Variants in ZDHHC11B observed in about 807,000 individuals in gnomAD.
ZDHHC11B encodes the protein probable palmitoyltransferase ZDHHC11B.
A neutral mutation model predicts 42.3 loss-of-function variants in ZDHHC11B; 17 were observed. That is an observed-to-expected ratio of 0.40 (90% CI 0.27 to 0.60). ZDHHC11B has a LOEUF of 0.60. Ranked by LOEUF, ZDHHC11B falls within the 20% of genes least tolerant of loss-of-function variation. The pLI is 0.41. For synonymous variants in ZDHHC11B, 123 were observed against 193.5 expected (o/e 0.64, Z 3.02); for missense variants, 262 against 463.2 (o/e 0.57, Z 3.99).
At chr5:754,304 G>A (rs113087117) in intron 6 of ZDHHC11B, among the ~76,000 whole-genome samples, 1,689 of 92,340 alleles carry the variant, frequency 0.018, 192 homozygotes, top group East Asian at 0.074. Flanking sequence ...AACACCTCTC[G>A]CCTATGAGCC....
At chr5:774,167 G>A (rs1272908023) in intron 1 of ZDHHC11B, among the ~76,000 whole-genome samples, 3 of 152,054 alleles carry the variant, frequency 2.0e-5, no homozygotes, top group Non-Finnish European at 2.9e-5. Context: ...GAGGCCCCAC[G>A]GAAAATCACC....
chr5:764,191 C>T (rs541423692), intron 4 of ZDHHC11B, among the ~76,000 whole-genome samples: 1 of 152,076 alleles, frequency 6.6e-6, no homozygotes, highest in Non-Finnish European at 1.5e-5. Flanking sequence ...AGCCCAAGGA[C>T]CACGCAGTGG....
At chr5:759,595 G>A (rs1241168131) in intron 4 of ZDHHC11B, among the ~76,000 whole-genome samples, 14 of 151,968 alleles carry the variant, frequency 9.2e-5, no homozygotes, top group African/African-American at 2.9e-4. Context: ...TGGTGGCGGC[G>A]GAGCCTGTTT....
chr5:714,151 GGA>G (rs1459109706), intron 13 of ZDHHC11B, among the ~76,000 whole-genome samples: 2 of 131,662 alleles, frequency 1.5e-5, no homozygotes, highest in Non-Finnish European at 3.2e-5. Flanking sequence ...GCTCAGTTTC[GGA>G]GCATTGTCCG....
chr5:718,954 C>G (rs541077632), intron 12 of ZDHHC11B, among the ~76,000 whole-genome samples: 1 of 151,852 alleles, frequency 6.6e-6, no homozygotes, highest in Non-Finnish European at 1.5e-5. Context: ...TGGTTTTGAT[C>G]CACTTGGCAG....
chr5:776,279 C>T (rs1256704256), intron 1 of ZDHHC11B, among the ~76,000 whole-genome samples: 31 of 151,846 alleles, frequency 2.0e-4, no homozygotes, highest in Non-Finnish European at 3.8e-4. Context: ...CTCCAATGTC[C>T]CACGGCCACA....
At chr5:765,140 G>A (rs1432321376) in intron 4 of ZDHHC11B, among the ~76,000 whole-genome samples, 36 of 143,150 alleles carry the variant, frequency 2.5e-4, no homozygotes, top group Admixed American at 2.1e-4. Flanking sequence ...TGTCTAGCTC[G>A]AAGTTTGTAA....
At chr5:784,596 T>G (rs1737118565) in intron 1 of ZDHHC11B, among the ~76,000 whole-genome samples, 72 bp downstream of exon 1, 2 of 152,062 alleles carry the variant, frequency 1.3e-5, no homozygotes, top group Admixed American at 1.3e-4. Context: ...CTGCTGGGGC[T>G]GACGGGCCCA....
chr5:770,206 G>T (rs1395488060), intron 1 of ZDHHC11B, among the ~76,000 whole-genome samples: 1 of 150,550 alleles, frequency 6.6e-6, no homozygotes, highest in Non-Finnish European at 1.5e-5. Flanking sequence ...ATACCAATGA[G>T]CACCAGGACG....
chr5:716,762 G>T (rs1741780249), intron 13 of ZDHHC11B, 39 bp downstream of exon 13: 8 of 1,611,590 alleles, frequency 5.0e-6, no homozygotes, highest in Non-Finnish European at 5.9e-6. Flanking sequence ...ACCAAACTTG[G>T]GTAGATTTCA....
chr5:728,717 C>T (rs1244400827), intron 12 of ZDHHC11B, among the ~76,000 whole-genome samples: 2 of 151,924 alleles, frequency 1.3e-5, no homozygotes, highest in African/African-American at 4.8e-5. Flanking sequence ...ATTAAATTCT[C>T]CCCCATCTAA....
At chr5:776,402 A>G (rs1302292645) in intron 1 of ZDHHC11B, among the ~76,000 whole-genome samples, 1 of 151,920 alleles carries the variant, frequency 6.6e-6, no homozygotes, top group Middle Eastern at 3.4e-3. Flanking sequence ...AGGACCAGGG[A>G]GAAGCAACCC....
At chr5:730,298 A>G in intron 12 of ZDHHC11B, 136 bp downstream of exon 12, 1 of 1,111,804 alleles carries the variant, frequency 9.0e-7, no homozygotes, top group Non-Finnish European at 1.2e-6. Flanking sequence ...ATAAATGTTC[A>G]GTGAAGCATT....
chr5:733,918 G>T (rs406638), intron 10 of ZDHHC11B, 79 bp from the exon 11 acceptor site: 2 of 1,228,780 alleles, frequency 1.6e-6, no homozygotes, highest in Non-Finnish European at 2.3e-6. Context: ...GCTGCACCGC[G>T]TCGTGTCAGC....
At position 745,287 on chromosome 5, in the gene ZDHHC11B, T is replaced by A. The variant is rs753704077; in HGVS notation, c.796A>T (p.Met266Leu). 6.0e-5 allele frequency: 96 copies of A among 1,607,674 alleles called. 4 individuals are homozygous for A. The highest frequency in any genetic ancestry group is 6.4e-5 in the Non-Finnish European group (75 of 1,177,036). The change falls in exon 9 of 14, where the codon ATG becomes TTG. Residue 266 changes from methionine (M) to leucine (L), a missense_variant. By Grantham distance (15) the Met-to-Leu change is conservative. Transcript: ENST00000508859. Reference protein sequence around the residue: ...IFHIYLKAKKMTTFEYLINTR... With the variant: ...IFHIYLKAKKLTTFEYLINTR... ...TTAATGAGATACTCAAAGGTGGTCA[T>A]CTTCTTGGCCTCTGGAAAGGGAAAA...
intron 1 of ZDHHC11B, among the ~76,000 whole-genome samples, chr5:774,428 CA>C: frequency 6.6e-6 from 1 of 152,302 alleles, no homozygotes; most frequent in South Asian, 2.1e-4. Context: ...GCACTTGGGC[CA>C]GGGGGTTCTC....
chr5:748,893 C>T (rs58960466), intron 7 of ZDHHC11B, among the ~76,000 whole-genome samples: 5,870 of 118,272 alleles, frequency 0.05, 428 homozygotes, highest in East Asian at 0.14. Flanking sequence ...CAGTGCCCAC[C>T]CCTTCCTAAG....
chr5:763,551 C>T (rs1211502152), intron 4 of ZDHHC11B, among the ~76,000 whole-genome samples: 1 of 151,752 alleles, frequency 6.6e-6, no homozygotes, highest in African/African-American at 2.4e-5. Context: ...TGAGGGGCCT[C>T]CTGTGGGCAA....
chr5:737,487 G>T (rs1399946212), intron 10 of ZDHHC11B, among the ~76,000 whole-genome samples: 4 of 147,626 alleles, frequency 2.7e-5, no homozygotes, highest in African/African-American at 5.1e-5. Context: ...AACCATGAAA[G>T]GACATAGCAA....
Sources: allele counts gnomAD v4.1 joint callset (sites outside exome capture counted in the v4.1 genomes callset), GRCh38; gene constraint gnomAD v4.1.1; transcripts MANE v1.5; gene names NCBI Gene and HGNC (gene_info 2026-07-23, HGNC 2026-07-21).